PKD2L2: variants seen among roughly 807,000 people sequenced by gnomAD.
The protein encoded by PKD2L2 is polycystin-2-like protein 2.
In PKD2L2, 67 loss-of-function variants were observed where a neutral mutation model predicts 83.9. That is an observed-to-expected ratio of 0.80 (90% confidence interval 0.66 to 0.98). PKD2L2 has a LOEUF of 0.98. Ranked by LOEUF, PKD2L2 falls within the 50% of genes least tolerant of loss-of-function variation. The pLI is 0.00. For missense variants in PKD2L2, 632 were observed against 717.2 expected (o/e 0.88, Z 1.36); for synonymous variants, 223 against 237.8 (o/e 0.94, Z 0.57).
intron 14 of PKD2L2, chr5:137,941,887 TG>T: frequency 7.4e-7 from 1 of 1,350,050 alleles, no homozygotes; most frequent in Non-Finnish European, 1.1e-6. Flanking sequence ...TTTCAACATA[TG>T]GTCAGTTTGT....
Position 137,899,688 on chromosome 5 carries a change from A to G in PKD2L2, c.697A>G (p.Ile233Val). 6.2e-7 allele frequency: 1 copy of G among 1,612,766 alleles called. No individual in the cohort carries two copies. Among genetic ancestry groups the G allele is most frequent in the Non-Finnish European group, 8.5e-7 (1 of 1,178,864 alleles). ...WITRGTRVIF[I>V]DFSLYNANVN... ...CACAAGAGGGACTAGAGTTATTTTT[A>G]TTGATTTTTCCTTATATAATGCTAA... The change falls in exon 5 of 15, where the codon ATT (isoleucine) becomes GTT (valine). Residue 233 changes from isoleucine (I) to valine (V), a missense_variant. By Grantham distance (29) the Ile-to-Val change is conservative. Coordinates refer to ENST00000508883, the MANE Select transcript of PKD2L2 (RefSeq NM_001300921.2).
chr5:137,917,587 T>G (rs996126162), intron 8 of PKD2L2, among the ~76,000 whole-genome samples: 2 of 152,212 alleles, frequency 1.3e-5, no homozygotes, highest in Non-Finnish European at 2.9e-5. Flanking sequence ...ATTTCTCATT[T>G]TGGTTATTAT....
At chr5:137,939,981 A>T in intron 14 of PKD2L2, 1 of 1,551,420 alleles carries the variant, frequency 6.4e-7, no homozygotes, top group Non-Finnish European at 8.7e-7. Flanking sequence ...ACAATGAAGT[A>T]AACCATATGT....
intron 2 of PKD2L2, among the ~76,000 whole-genome samples, chr5:137,891,467 A>G (rs1401344140): frequency 2.6e-5 from 4 of 151,784 alleles, no homozygotes; most frequent in East Asian, 1.9e-4. Flanking sequence ...CCCTGTCCCA[A>G]GGAAAAAAAA....
chr5:137,924,751 T>C (rs1375533343), intron 10 of PKD2L2, among the ~76,000 whole-genome samples: 1 of 152,244 alleles, frequency 6.6e-6, no homozygotes. Context: ...TCATTAAAAG[T>C]GTTAACATCC....
intron 8 of PKD2L2, among the ~76,000 whole-genome samples, chr5:137,917,034 T>C (rs1758423097): frequency 6.6e-6 from 1 of 152,160 alleles, no homozygotes; most frequent in African/African-American, 2.4e-5. Flanking sequence ...TGGGAAGTTT[T>C]TGGCCATCAT....
chr5:137,936,460 CTT>C (rs375553066), intron 14 of PKD2L2, 33 bp downstream of exon 14: 2,222 of 1,241,050 alleles, frequency 1.8e-3, no homozygotes, highest in Admixed American at 2.3e-3. Context: ...TTGAGCATTT[CTT>C]TTTTTTTTTT....
intron 12 of PKD2L2, among the ~76,000 whole-genome samples, chr5:137,934,719 G>T (rs958908460): frequency 1.3e-5 from 2 of 152,178 alleles, no homozygotes; most frequent in African/African-American, 4.8e-5. Context: ...GGCTGAGGAA[G>T]GAGAATCCTT....
At position 137,931,381 on chromosome 5, in the gene PKD2L2, T is replaced by C. The variant is rs139981323; in HGVS notation, c.1672-4416T>C. ...AACTCCCAAATTACGTTTATGAAAC[T>C]ACTATATATTGTGCCAAAAACAGGA... On this transcript the variant is annotated intron_variant, in intron 12 of 14. Coordinates refer to ENST00000508883, the MANE Select transcript of PKD2L2 (RefSeq NM_001300921.2). 1.3e-3 allele frequency among the ~76,000 whole-genome samples: 197 copies of C among 152,318 alleles called. 2 individuals carry two copies. The East Asian group carries it at 0.037, about 28-fold the overall frequency.
At chr5:137,923,030 T>C (rs78148550) in intron 9 of PKD2L2, among the ~76,000 whole-genome samples, 2 of 151,248 alleles carry the variant, frequency 1.3e-5, no homozygotes, top group Non-Finnish European at 3.0e-5. Flanking sequence ...TTTTTTTTTT[T>C]AGACGGAGTC....
chr5:137,904,337 C>T (rs1757197301), intron 5 of PKD2L2, among the ~76,000 whole-genome samples: 4 of 151,664 alleles, frequency 2.6e-5, no homozygotes, highest in Non-Finnish European at 5.9e-5. Flanking sequence ...TGGGGATGGG[C>T]GAAAGACTGA....
chr5:137,892,415 A>T, intron 2 of PKD2L2, 65 bp from the exon 3 acceptor site: 1 of 883,208 alleles, frequency 1.1e-6, no homozygotes, highest in Non-Finnish European at 1.6e-6. Flanking sequence ...AAAATGTAAC[A>T]TTTTTAATCC....
At chr5:137,922,507 G>A (rs1759001995) in intron 9 of PKD2L2, among the ~76,000 whole-genome samples, 1 of 152,202 alleles carries the variant, frequency 6.6e-6, no homozygotes, top group Non-Finnish European at 1.5e-5. Context: ...GGAGGCAGAG[G>A]CAGGCGGATC....
intron 14 of PKD2L2, chr5:137,940,508 C>A: frequency 1.8e-6 from 1 of 567,746 alleles, no homozygotes; most frequent in South Asian, 2.5e-5. Context: ...ATACCCTCAT[C>A]CCCAAGGAAC....
intron 12 of PKD2L2, among the ~76,000 whole-genome samples, chr5:137,935,407 AATACCCACAG>A (rs1450505024): frequency 1.3e-5 from 2 of 152,218 alleles, no homozygotes; most frequent in Admixed American, 1.3e-4. Context: ...GAAGGCCAAA[AATACCCACAG>A]ATACACTTTG....
intron 8 of PKD2L2, among the ~76,000 whole-genome samples, chr5:137,912,637 G>T (rs1266533475): frequency 1.3e-5 from 2 of 151,894 alleles, no homozygotes. Context: ...AAAGTGCTGG[G>T]ATTACAGGTG....
At chr5:137,894,086 G>T (rs915034880) in intron 3 of PKD2L2, among the ~76,000 whole-genome samples, 2 of 152,062 alleles carry the variant, frequency 1.3e-5, no homozygotes, top group Non-Finnish European at 2.9e-5. Flanking sequence ...GAAAATTTTC[G>T]ATTTACTCAT....
intron 12 of PKD2L2, among the ~76,000 whole-genome samples, chr5:137,928,593 A>C (rs1167510631): frequency 6.6e-6 from 1 of 152,054 alleles, no homozygotes; most frequent in Non-Finnish European, 1.5e-5. Context: ...CATCACACCC[A>C]GCTAAATTTT....
At chr5:137,907,397 C>T (rs867415959) in intron 6 of PKD2L2, among the ~76,000 whole-genome samples, 22 of 152,192 alleles carry the variant, frequency 1.4e-4, no homozygotes, top group Admixed American at 2.0e-4. Context: ...TAGTGTTACA[C>T]GGTAGAAAAT....
Sources: gnomAD v4.1 joint callset for allele counts (sites outside exome capture counted in the v4.1 genomes callset) on GRCh38, gnomAD v4.1.1 for gene constraint, MANE v1.5 for transcripts, NCBI Gene and HGNC (gene_info 2026-07-23, HGNC 2026-07-21) for gene names.